ZP3: variants seen among roughly 807,000 people sequenced by gnomAD.
The protein encoded by ZP3 is zona pellucida sperm-binding protein 3.
Under a neutral mutation model 35.6 loss-of-function variants are expected in ZP3, and 21 were observed. The ratio of observed to expected loss-of-function variants is 0.59; its 90% CI spans 0.42 to 0.85. ZP3 has a LOEUF of 0.85. Ranked by LOEUF, ZP3 falls within the 40% of genes least tolerant of loss-of-function variation. ZP3 has a pLI of 0.00. For missense variants in ZP3, 437 were observed against 536.5 expected, an observed-to-expected ratio of 0.81 and a Z score of 1.83; for synonymous variants, 207 against 214.5, an observed-to-expected ratio of 0.96 and a Z score of 0.31.
upstream of ZP3, among the ~76,000 whole-genome samples, chr7:76,423,084 A>AAAT (rs199921755): frequency 1.5e-5 from 2 of 137,232 alleles, no homozygotes; most frequent in East Asian, 2.5e-4. Flanking sequence ...AGAAAGAAAG[A>AAAT]AAAGAAATTG....
In ZP3 at chr7:76,436,055, T is replaced by TCC. The variant is rs1805997157; in HGVS notation, c.831+1900_831+1901insCC. The stretch of plus-strand genomic sequence containing the variant: ...CTTTTTTTTTTTTTTTTTTTTTTTT[T>TCC]TTTTTTTTTTTTTTTTTTTTGAGAG... On this transcript the variant is annotated intron_variant, in intron 5 of 7. Transcript: ENST00000394857. Among the ~76,000 whole-genome samples the TCC allele has an allele frequency of 1.3e-4, 9 of 71,486 alleles. No individual in the cohort carries two copies. The South Asian group carries it at 2.8e-3, about 22-fold the overall frequency. 46.9% of individuals were successfully genotyped at this position (71,486 alleles called of 152,430 possible).
chr7:76,440,643 T>C (rs1454224918), intron 7 of ZP3, 32 bp downstream of exon 7: 1 of 1,590,436 alleles, frequency 6.3e-7, no homozygotes, highest in Non-Finnish European at 8.6e-7. Flanking sequence ...AGGCTGTTCA[T>C]TGTCCCTTAC....
chr7:76,405,335 C>T (rs992290372), intron 1 of ZP3, among the ~76,000 whole-genome samples: 75 of 29,096 alleles, frequency 2.6e-3, no homozygotes, highest in East Asian at 5.5e-3. Context: ...TTCTTTCTTT[C>T]TTTCTTTTTT....
At chr7:76,433,844 G>A (rs909411429) in intron 4 of ZP3, 194 bp from the exon 5 acceptor site, 6 of 1,072,902 alleles carry the variant, frequency 5.6e-6, no homozygotes, top group East Asian at 2.5e-5. Flanking sequence ...GATTACAGGT[G>A]CCCATCACCA....
At chr7:76,421,482 G>T (rs1367906981), upstream of ZP3, among the ~76,000 whole-genome samples, 1 of 151,664 alleles carries the variant, frequency 6.6e-6, no homozygotes, top group East Asian at 1.9e-4. Context: ...TCGAACTCCT[G>T]GGCTCAAGCA....
chr7:76,407,214 G>T (rs1205333321), intron 1 of ZP3, among the ~76,000 whole-genome samples: 1 of 152,200 alleles, frequency 6.6e-6, no homozygotes, highest in Non-Finnish European at 1.5e-5. Flanking sequence ...ACCCGCCTCG[G>T]TCTCCCAAAG....
rs369258749 is a variant in ZP3, at chr7:76,400,580, C to A, written c.-67+2783C>A. 14 of 1,475,780 alleles carry A rather than the reference C, an allele frequency of 9.5e-6. No individual in the cohort carries two copies. The African/African-American group carries it at 1.4e-4, about 15-fold the overall frequency. The allele number at this position is 1,475,780 out of a possible 1,614,324, so 91.4% of individuals were successfully genotyped here. ...CCCCGGCAGCGGCTGGGGCCCCCCA[C>A]CAGCCTCAGCTCTGTGAAGAGGGTG... On this transcript the variant is annotated intron_variant, in intron 1 of 8. Transcript: ENST00000336517.
intron 5 of ZP3, among the ~76,000 whole-genome samples, chr7:76,436,317 G>A (rs1323555673): frequency 6.6e-6 from 1 of 152,070 alleles, no homozygotes; most frequent in East Asian, 1.9e-4. Context: ...AAAGTGCTGG[G>A]ATTACAGGCG....
intron 5 of ZP3, among the ~76,000 whole-genome samples, chr7:76,438,538 GA>G (rs71085417): frequency 0.011 from 966 of 88,536 alleles, 10 homozygotes; most frequent in Middle Eastern, 0.013. Context: ...CTCCGTCTCA[GA>G]AAAAAAAAAA....
At position 76,405,137 on chromosome 7, in the gene ZP3, C is replaced by T. The variant is rs547847260; in HGVS notation, c.-67+7340C>T. On this transcript the variant is annotated intron_variant, in intron 1 of 8. Transcript: ENST00000336517. The stretch of plus-strand genomic sequence containing the variant: ...ATTTTTTTTTTCAGACAGAGTCTCA[C>T]TCTGTGGCCAGGCTGGAGTGTAATG... Among the ~76,000 whole-genome samples, 98 of 144,938 alleles carry T rather than the reference C, an allele frequency of 6.8e-4. No homozygotes were observed. In the Middle Eastern group the frequency reaches 0.025, roughly 36 times the overall value.
intron 1 of ZP3, among the ~76,000 whole-genome samples, chr7:76,418,461 G>C (rs1334467812): frequency 1.4e-5 from 2 of 142,280 alleles, no homozygotes; most frequent in African/African-American, 5.2e-5. Context: ...TGAGGCAGAA[G>C]AATCGCTTGA....
At chr7:76,421,862 T>A (rs1262274909), upstream of ZP3, among the ~76,000 whole-genome samples, 2 of 152,046 alleles carry the variant, frequency 1.3e-5, no homozygotes, top group African/African-American at 4.8e-5. Context: ...CAGTCCTTCA[T>A]CATCTCCTGA....
chr7:76,403,402 A>G (rs551826900), intron 1 of ZP3, among the ~76,000 whole-genome samples: 1 of 150,612 alleles, frequency 6.6e-6, no homozygotes, highest in Non-Finnish European at 1.5e-5. Flanking sequence ...CAATGGCGCA[A>G]TCTCAGCTCA....
intron 1 of ZP3, among the ~76,000 whole-genome samples, chr7:76,405,979 C>CTTTCTTTTCT (rs201510499): frequency 2.8e-4 from 41 of 148,008 alleles, no homozygotes; most frequent in African/African-American, 8.5e-4. Flanking sequence ...CTTTCCTTTC[C>CTTTCTTTTCT]TTTCTTTTCT....
At chr7:76,436,000 A>AG (rs1344933568) in intron 5 of ZP3, among the ~76,000 whole-genome samples, 1 of 134,532 alleles carries the variant, frequency 7.4e-6, no homozygotes, top group African/African-American at 2.7e-5. Context: ...CTGGGATTAT[A>AG]GGCATGAACC....
chr7:76,418,363 C>A (rs2115859028), intron 1 of ZP3, among the ~76,000 whole-genome samples: 1 of 151,390 alleles, frequency 6.6e-6, no homozygotes, highest in African/African-American at 2.4e-5. Context: ...CCAGCCTGGC[C>A]AACGTGGTGA....
chr7:76,425,747 T>C (rs1422794261), intron 1 of ZP3, among the ~76,000 whole-genome samples: 1 of 152,004 alleles, frequency 6.6e-6, no homozygotes, highest in Non-Finnish European at 1.5e-5. Context: ...GGAGGATCAC[T>C]TGAGGCCAGG....
At chr7:76,397,931 G>A in intron 1 of ZP3, 1 of 1,231,954 alleles carries the variant, frequency 8.1e-7, no homozygotes, top group Non-Finnish European at 1.1e-6. Context: ...ACAACCCTTG[G>A]GCATCTGCTC....
intron 1 of ZP3, among the ~76,000 whole-genome samples, chr7:76,409,186 G>T (rs1291211635): frequency 6.6e-6 from 1 of 152,078 alleles, no homozygotes; most frequent in African/African-American, 2.4e-5. Context: ...GGAAATGTTT[G>T]TTGAGTGACT....
Sources: gnomAD v4.1 joint callset for allele counts (sites outside exome capture counted in the v4.1 genomes callset) on GRCh38, gnomAD v4.1.1 for gene constraint, MANE v1.5 for transcripts, NCBI Gene and HGNC (gene_info 2026-07-23, HGNC 2026-07-21) for gene names.